LYPD8: variants seen among roughly 807,000 people sequenced by gnomAD.
The protein encoded by LYPD8 is ly6/PLAUR domain-containing protein 8.
LYPD8 carries 8 observed loss-of-function variants against 1.7 expected under a neutral mutation model. The ratio of observed to expected loss-of-function variants is 4.58; its 90% confidence interval spans 2.69 to 8.27. LYPD8 has a LOEUF of 8.27. LYPD8 is among the 30% of genes most tolerant of loss of function. The probability of loss-of-function intolerance (pLI) is 0.00; values close to 1 mark genes in which losing one functional copy is unlikely to be tolerated. For synonymous variants in LYPD8, 50 were observed against 43.6 expected (o/e 1.15, Z -0.58); for missense variants, 112 against 102.3 (o/e 1.09, Z -0.41).
In LYPD8 at chr1:248,742,893, G is replaced by A. The variant is rs1426397213; in HGVS notation, c.475+2249C>T. 1.5e-4 allele frequency among the ~76,000 whole-genome samples: 18 copies of A among 116,282 alleles called. 1 individual carries two copies. Among genetic ancestry groups the A allele is most frequent in the African/African-American group, 6.4e-4 (17 of 26,560 alleles). 76.3% of individuals were successfully genotyped at this position (116,282 alleles called of 152,430 possible). On this transcript the variant is annotated intron_variant, in intron 6 of 6. Coordinates refer to ENST00000590317, the MANE Select transcript of LYPD8 (RefSeq NM_001085474.2). ...GGATGTTGGCAGCCGGGTAGATTAC[G>A]CTCTGGTGGGGATGTTGGCAGCGGG...
intron 2 of LYPD8, among the ~76,000 whole-genome samples, chr1:248,753,212 A>AC (rs1662854444): frequency 7.7e-5 from 8 of 104,264 alleles, no homozygotes; most frequent in African/African-American, 2.8e-4. Flanking sequence ...CACACAACAC[A>AC]CACACCACAC....
In LYPD8 at chr1:248,739,533, G is replaced by T. The variant is rs1349640574; in HGVS notation, c.*78C>A. 1 of 1,537,478 alleles carries T rather than the reference G, an allele frequency of 6.5e-7. No individual in the cohort carries two copies. The highest frequency in any genetic ancestry group is 2.5e-5 in the East Asian group (1 of 40,778). ...TAAACGGGGCAGAGCAGGGAAAGAG[G>T]GTGTCAGCACCGCAGGGGGTGCTCT... On this transcript the variant is annotated 3_prime_UTR_variant, in exon 7 of 7. Transcript: ENST00000590317. The surrounding 1 kb of genome is among the most constrained non-coding windows in gnomAD (Gnocchi z 4.3).
chr1:248,752,562 A>G (rs1662817110), intron 2 of LYPD8, among the ~76,000 whole-genome samples: 1 of 132,328 alleles, frequency 7.6e-6, no homozygotes, highest in African/African-American at 2.9e-5. Context: ...AACACACCAC[A>G]TCATGAACAC....
chr1:248,753,425 A>ACCCCACG, intron 2 of LYPD8, among the ~76,000 whole-genome samples: 1 of 108,402 alleles, frequency 9.2e-6, no homozygotes, highest in South Asian at 2.9e-4. Context: ...CACACCACAC[A>ACCCCACG]CAACACACAC....
At chr1:248,748,484 C>T (rs1662748327) in intron 4 of LYPD8, 31 bp from the exon 5 acceptor site, 2 of 400,480 alleles carry the variant, frequency 5.0e-6, no homozygotes, top group Non-Finnish European at 8.8e-6. Flanking sequence ...ACTGTCAGCC[C>T]CTGGTAAGGA....
intron 6 of LYPD8, among the ~76,000 whole-genome samples, chr1:248,740,601 G>A (rs111644394): frequency 1.2e-3 from 185 of 152,350 alleles, no homozygotes; most frequent in Non-Finnish European, 2.1e-3. Context: ...GAGGTGAAGT[G>A]ACTCCACTCA....
At chr1:248,742,741 C>G (rs1350959868) in intron 6 of LYPD8, among the ~76,000 whole-genome samples, 16 of 44,398 alleles carry the variant, frequency 3.6e-4, no homozygotes, top group African/African-American at 8.4e-4. Flanking sequence ...TGTTGGCAGC[C>G]GGGGAGATTA....
chr1:248,753,075 ACC>A (rs1662847392), intron 2 of LYPD8, among the ~76,000 whole-genome samples: 4 of 68,510 alleles, frequency 5.8e-5, no homozygotes, highest in Admixed American at 1.6e-4. Flanking sequence ...CACCCCACAC[ACC>A]CCACACCACA....
intron 2 of LYPD8, among the ~76,000 whole-genome samples, chr1:248,752,752 CCACA>C (rs1336797198): frequency 8.0e-6 from 1 of 124,874 alleles, no homozygotes; most frequent in African/African-American, 3.0e-5. Flanking sequence ...ACCACACACC[CCACA>C]CACACCACAC....
At chr1:248,750,045 C>T (rs1457925605) in intron 4 of LYPD8, among the ~76,000 whole-genome samples, 2 of 151,894 alleles carry the variant, frequency 1.3e-5, no homozygotes, top group Admixed American at 6.6e-5. Flanking sequence ...TATGTTTGAA[C>T]GTGTCTATTA....
chr1:248,751,545 G>T (rs1239529480), intron 2 of LYPD8, among the ~76,000 whole-genome samples: 1 of 152,030 alleles, frequency 6.6e-6, no homozygotes, highest in Non-Finnish European at 1.5e-5. Context: ...TACACTTAAG[G>T]GTTCTGTTGC....
At position 248,745,234 on chromosome 1, in the gene LYPD8, C is replaced by G. The variant is rs910074910; in HGVS notation, c.383G>C (p.Cys128Ser). The G allele has an allele frequency of 1.9e-4, 77 of 398,624 alleles. No homozygotes were observed. Among genetic ancestry groups the G allele is most frequent in the African/African-American group, 1.6e-3 (77 of 48,740 alleles). The allele number at this position is 398,624 out of a possible 1,614,324, so 24.7% of individuals were successfully genotyped here. A position where few individuals can be genotyped will look rare whatever the true frequency, so the allele number is the denominator to read the frequency against. ...ACAGGAAGTTCCATTAGATTCATAA[C>G]AAGCAGGGCACTCTGCGTTGCTGGA... ...NVSSNAECPACYESNGTSCHG... is the reference protein window; with the variant it reads ...NVSSNAECPASYESNGTSCHG... The change falls in exon 6 of 7, where the codon TGT becomes TCT. Residue 128 changes from cysteine (C) to serine (S), a missense_variant. Physicochemically the swap from Cys to Ser is moderately radical, Grantham distance 112 (BLOSUM62 -1). Coordinates refer to ENST00000590317, the MANE Select transcript of LYPD8 (RefSeq NM_001085474.2).
At chr1:248,748,647 G>A (rs1662750864) in intron 4 of LYPD8, among the ~76,000 whole-genome samples, 194 bp from the exon 5 acceptor site, 1 of 152,210 alleles carries the variant, frequency 6.6e-6, no homozygotes, top group Non-Finnish European at 1.5e-5. Context: ...CCTCCTTTGA[G>A]CAGGAGGCTA....
At chr1:248,750,409 C>G (rs1357877773) in intron 4 of LYPD8, 115 bp downstream of exon 4, 4 of 396,052 alleles carry the variant, frequency 1.0e-5, no homozygotes, top group African/African-American at 2.1e-5. Flanking sequence ...GTGGCTTCCT[C>G]TCTCCTTGGA....
At chr1:248,750,487 C>T (rs1662782665) in intron 4 of LYPD8, 37 bp downstream of exon 4, 3 of 398,434 alleles carry the variant, frequency 7.5e-6, no homozygotes, top group Non-Finnish European at 1.3e-5. Flanking sequence ...CCGGTGCAAG[C>T]CCCAGAGGCA....
intron 3 of LYPD8, among the ~76,000 whole-genome samples, 156 bp from the exon 4 acceptor site, chr1:248,750,799 G>A (rs1662787907): frequency 1.3e-5 from 2 of 152,140 alleles, no homozygotes; most frequent in South Asian, 4.1e-4. Context: ...GCTGTAAGAT[G>A]AGCCACCCTA....
At chr1:248,754,690 G>T (rs2103175851) in intron 2 of LYPD8, among the ~76,000 whole-genome samples, 1 of 152,260 alleles carries the variant, frequency 6.6e-6, no homozygotes, top group East Asian at 1.9e-4. Flanking sequence ...TGGTAAAAAG[G>T]AAGGGAAACC....
intron 2 of LYPD8, among the ~76,000 whole-genome samples, chr1:248,753,083 CCACACTACACA>C (rs1662847889): frequency 1.0e-5 from 1 of 95,436 alleles, no homozygotes; most frequent in Non-Finnish European, 2.1e-5. Flanking sequence ...ACACCCCACA[CCACACTACACA>C]CACACCACAC....
At position 248,739,433 on chromosome 1, in the gene LYPD8, C is replaced by T; in HGVS notation, c.*178G>A. On this transcript the variant is annotated 3_prime_UTR_variant, in exon 7 of 7. Coordinates refer to ENST00000590317, the MANE Select transcript of LYPD8 (RefSeq NM_001085474.2). The surrounding 1 kb of genome is among the most constrained non-coding windows in gnomAD (Gnocchi z 4.3). ...GGACAGATTTGGGCAGTGAATGAAC[C>T]AGTGCTTTAATAATGAAGAACAAGG... The T allele has an allele frequency of 3.6e-6, 3 of 824,846 alleles. No individual in the cohort carries two copies. The South Asian group carries it at 5.4e-5, about 15-fold the overall frequency. 51.1% of individuals were successfully genotyped at this position (824,846 alleles called of 1,614,324 possible). A position where few individuals can be genotyped will look rare whatever the true frequency, so the allele number is the denominator to read the frequency against.
Sources: allele counts gnomAD v4.1 joint callset (sites outside exome capture counted in the v4.1 genomes callset), GRCh38; gene constraint gnomAD v4.1.1; non-coding constraint Gnocchi (gnomAD v3.1); transcripts MANE v1.5; gene names NCBI Gene and HGNC (gene_info 2026-07-23, HGNC 2026-07-21).